The following CHRNA5 variants were observed in gnomAD, a reference collection of about 807,000 sequenced individuals.
The protein encoded by CHRNA5 is neuronal acetylcholine receptor subunit alpha-5.
In CHRNA5, 28 loss-of-function variants were observed where a neutral mutation model predicts 41.2. That is an observed-to-expected ratio of 0.68 (90% CI 0.50 to 0.93). The LOEUF is 0.93. Among genes scored for constraint, CHRNA5 ranks in the 40% least tolerant of loss-of-function variants. CHRNA5 has a pLI of 0.00. For synonymous variants in CHRNA5, 188 were observed against 205.8 expected, an observed-to-expected ratio of 0.91 and a Z score of 0.74; for missense variants, 481 against 581.9, an observed-to-expected ratio of 0.83 and a Z score of 1.78.
chr15:78,579,749 A>C (rs901512458), intron 1 of CHRNA5, among the ~76,000 whole-genome samples: 1 of 152,096 alleles, frequency 6.6e-6, no homozygotes, highest in Non-Finnish European at 1.5e-5. Flanking sequence ...TCCAACACTC[A>C]GTTCTCAGCT....
chr15:78,582,132 T>C (rs576955302), intron 2 of CHRNA5, among the ~76,000 whole-genome samples: 6 of 152,306 alleles, frequency 3.9e-5, no homozygotes, highest in African/African-American at 1.4e-4. Flanking sequence ...GTGGACTGTG[T>C]GTGCTCAGCC....
intron 2 of CHRNA5, among the ~76,000 whole-genome samples, chr15:78,582,180 A>G (rs2052918691): frequency 6.6e-6 from 1 of 152,170 alleles, no homozygotes; most frequent in South Asian, 2.1e-4. Context: ...AAATGAAAAT[A>G]GGAAAGTGGA....
intron 1 of CHRNA5, among the ~76,000 whole-genome samples, chr15:78,577,881 A>AG (rs2052872624): frequency 6.6e-6 from 1 of 151,122 alleles, no homozygotes; most frequent in Non-Finnish European, 1.5e-5. Flanking sequence ...CAGTGAGCCA[A>AG]GATTGCACCA....
intron 4 of CHRNA5, 149 bp from the exon 5 acceptor site, chr15:78,589,656 G>T (rs2052991703): frequency 1.6e-6 from 1 of 618,100 alleles, no homozygotes; most frequent in Non-Finnish European, 2.7e-6. Flanking sequence ...GGGTCCCTAT[G>T]TAGCACGTAT....
intron 1 of CHRNA5, among the ~76,000 whole-genome samples, chr15:78,580,221 A>G (rs994308216): frequency 4.2e-5 from 6 of 141,716 alleles, no homozygotes; most frequent in African/African-American, 1.6e-4. Flanking sequence ...AGAGGTTGCA[A>G]TGAGCCGAGA....
intron 1 of CHRNA5, among the ~76,000 whole-genome samples, chr15:78,567,698 A>C (rs1354887402): frequency 6.6e-6 from 1 of 152,214 alleles, no homozygotes; most frequent in African/African-American, 2.4e-5. Flanking sequence ...AGGTTTGCGG[A>C]AGGAAGGAGT....
intron 1 of CHRNA5, among the ~76,000 whole-genome samples, chr15:78,572,729 ACCT>A (rs1457295243): frequency 6.6e-6 from 1 of 151,742 alleles, no homozygotes; most frequent in East Asian, 1.9e-4. Flanking sequence ...GTGATCCCCC[ACCT>A]CAGCCTCCCA....
chr15:78,592,637 G>A (rs1290291480), intron 5 of CHRNA5, among the ~76,000 whole-genome samples: 1 of 152,158 alleles, frequency 6.6e-6, no homozygotes, highest in African/African-American at 2.4e-5. Flanking sequence ...AATAAATAAA[G>A]TGTGTATGTG....
intron 5 of CHRNA5, among the ~76,000 whole-genome samples, chr15:78,592,217 G>A (rs1226310816): frequency 6.6e-6 from 1 of 152,240 alleles, no homozygotes; most frequent in African/African-American, 2.4e-5. Context: ...AGCCACCTGG[G>A]AGGCTGAGGC....
chr15:78,590,982 G>T, intron 5 of CHRNA5: 1 of 215,106 alleles, frequency 4.6e-6, no homozygotes, highest in Non-Finnish European at 9.2e-6. Context: ...GAGGGCAGTG[G>T]GTGAACTGTT....
At chr15:78,590,601 A>G in exon 5 of CHRNA5, 1 of 1,613,600 alleles carries the variant, frequency 6.2e-7, no homozygotes, top group Non-Finnish European at 8.5e-7. Flanking sequence ...TCGCTACATT[A>G]CAAGACACAT....
At chr15:78,590,265 T>G in exon 5 of CHRNA5, 2 of 1,614,042 alleles carry the variant, frequency 1.2e-6, no homozygotes, top group Non-Finnish European at 1.7e-6. Context: ...ACTTGTGTCT[T>G]TGACTGTCTT....
exon 1 of CHRNA5, chr15:78,565,696 G>T: frequency 9.5e-7 from 1 of 1,049,370 alleles, no homozygotes. Flanking sequence ...GCGGCTGCCC[G>T]CGGTCCCGCG....
At chr15:78,593,236 G>A in exon 6 of CHRNA5, 3 of 1,609,832 alleles carry the variant, frequency 1.9e-6, no homozygotes, top group Non-Finnish European at 2.5e-6. Context: ...AGTTCATATT[G>A]GAAATGCAAA....
At chr15:78,582,378 G>T (rs2052920523) in intron 2 of CHRNA5, among the ~76,000 whole-genome samples, 1 of 151,994 alleles carries the variant, frequency 6.6e-6, no homozygotes. Context: ...CAGCTACTCA[G>T]GAGGCTGAGA....
chr15:78,590,398 A>G, exon 5 of CHRNA5: 2 of 1,614,152 alleles, frequency 1.2e-6, no homozygotes, highest in African/African-American at 1.3e-5. Context: ...TTCGCTATCA[A>G]CATTCATCAT....
At position 78,568,064 on chromosome 15, in the gene CHRNA5, G is replaced by GT. The variant is rs539181151; in HGVS notation, c.106+2245dup. 4.0e-3 allele frequency among the ~76,000 whole-genome samples: 612 copies of GT among 152,236 alleles called. 3 individuals are homozygous for GT. The highest frequency in any genetic ancestry group is 6.2e-3 in the Non-Finnish European group (419 of 68,010). On this transcript the variant is annotated intron_variant, in intron 1 of 5. Coordinates refer to ENST00000299565, the Ensembl canonical transcript of CHRNA5. ...GTAGATGTTTTTAAGTCAACTTTAAGTTTTTTAAGTTCAAATATAATTACC... is the reference window on the plus strand; with the variant it reads ...GTAGATGTTTTTAAGTCAACTTTAAGTTTTTTTAAGTTCAAATATAATTACC...
Position 78,581,300 on chromosome 15 carries a change from G to A in CHRNA5, c.258+338G>A, listed in dbSNP as rs1387872823. Among the ~76,000 whole-genome samples, 5 of 152,280 alleles carry A rather than the reference G, an allele frequency of 3.3e-5. No individual in the cohort carries two copies. The East Asian group carries it at 7.7e-4, about 23-fold the overall frequency. ...GAGGGAAAAGAAAATAAATTTTTAA[G>A]TTTAAGAGAAAAAGTCCAAAAATAG... On this transcript the variant is annotated intron_variant, in intron 2 of 5. Transcript: ENST00000299565.
intron 1 of CHRNA5, among the ~76,000 whole-genome samples, chr15:78,567,308 CAG>C (rs2052759845): frequency 6.6e-6 from 1 of 151,530 alleles, no homozygotes; most frequent in Admixed American, 6.6e-5. Flanking sequence ...GCTTACCTCT[CAG>C]AGTTCTTTTG....
Sources: gnomAD v4.1 joint callset for allele counts (sites outside exome capture counted in the v4.1 genomes callset) on GRCh38, gnomAD v4.1.1 for gene constraint, MANE v1.5 for transcripts, NCBI Gene and HGNC (gene_info 2026-07-23, HGNC 2026-07-21) for gene names.